The following RICTOR variants were observed in gnomAD, a reference collection of about 807,000 sequenced individuals.
RICTOR encodes the protein rapamycin-insensitive companion of mTOR.
Under a neutral mutation model 214.9 loss-of-function variants are expected in RICTOR, and 49 were observed. That is an observed-to-expected ratio of 0.23 (90% CI 0.18 to 0.29). The LOEUF (loss-of-function observed/expected upper bound fraction) is 0.29, where lower values mean the gene tolerates loss of function less well. RICTOR is among the 10% of genes least tolerant of loss of function. The pLI is 1.00. For missense variants in RICTOR, 1,625 were observed against 2,047.0 expected, an observed-to-expected ratio of 0.79 and a Z score of 3.98; for synonymous variants, 717 against 711.3, an observed-to-expected ratio of 1.01 and a Z score of -0.13.
chr5:38,939,020 A>T lies in RICTOR; in HGVS notation c.*3284T>A. On this transcript the variant is annotated 3_prime_UTR_variant, in exon 38 of 38. Coordinates refer to ENST00000357387, the MANE Select transcript of RICTOR (RefSeq NM_152756.5). ...ACTTCCAAAGAACATTTCCCAAAGT[A>T]GTTTACAAAGTTCATCTCACACAAA... 4.3e-6 allele frequency: 1 copy of T among 233,142 alleles called. No homozygotes were observed. 14.4% of individuals were successfully genotyped at this position (233,142 alleles called of 1,614,324 possible).
rs189571887 is a variant in RICTOR at position 39,020,460 on chromosome 5, A to G, written c.195+579T>C. On this transcript the variant is annotated intron_variant, in intron 3 of 37. Transcript: ENST00000357387. ...TGACATTGAGGCAAGTTCCTCTACC[A>G]ACAAAAAAAACCCCACAATTTGCTG... 2.6e-4 allele frequency among the ~76,000 whole-genome samples: 40 copies of G among 151,800 alleles called. No homozygotes were observed. In the East Asian group the frequency reaches 7.5e-3, roughly 29 times the overall value.
In RICTOR at chr5:38,955,672, C is replaced by T. The variant is rs780644422; in HGVS notation, c.2532G>A (p.Glu844=). The change falls in exon 26 of 38, where the codon GAG becomes GAA. Residue 844 remains glutamate, a synonymous_variant. Transcript: ENST00000357387. The part of the protein sequence containing the change: ...EYNSKYVDLI[E]EQLNEALTTY... ...TAGTAAGTGCTTCATTGAGTTGTTC[C>T]TCAATCAAGTCAACATATTTGGAGT... 5.6e-6 allele frequency: 9 copies of T among 1,605,100 alleles called. No homozygotes were observed. Among genetic ancestry groups the T allele is most frequent in the African/African-American group, 2.7e-5 (2 of 74,700 alleles).
At chr5:39,067,642 C>A (rs1023194428) in intron 2 of RICTOR, among the ~76,000 whole-genome samples, 3 of 152,144 alleles carry the variant, frequency 2.0e-5, no homozygotes, top group African/African-American at 7.2e-5. Flanking sequence ...ACACACAGAA[C>A]AATCAGACTA....
At chr5:38,953,179 T>C in intron 28 of RICTOR, 88 bp from the exon 29 acceptor site, 6 of 870,472 alleles carry the variant, frequency 6.9e-6, no homozygotes, top group South Asian at 6.6e-5. Flanking sequence ...TTTAACCTCA[T>C]CTCTGAGAGA....
chr5:38,986,933 G>C (rs560551352), intron 7 of RICTOR, among the ~76,000 whole-genome samples: 2 of 152,126 alleles, frequency 1.3e-5, no homozygotes, highest in Non-Finnish European at 2.9e-5. Flanking sequence ...TAGCATGAAG[G>C]GGTGTTGAAT....
At chr5:38,965,806 G>C (rs970947247) in intron 15 of RICTOR, among the ~76,000 whole-genome samples, 4 of 152,072 alleles carry the variant, frequency 2.6e-5, no homozygotes, top group Non-Finnish European at 5.9e-5. Flanking sequence ...CAAGGGTGGG[G>C]AGGAGGGGAA....
At chr5:39,046,973 T>A (rs1757541073) in intron 2 of RICTOR, among the ~76,000 whole-genome samples, 2 of 152,358 alleles carry the variant, frequency 1.3e-5, no homozygotes, top group East Asian at 1.9e-4. Flanking sequence ...AAAATTTATC[T>A]ATGATTAAAA....
chr5:38,962,775 A>C lies in RICTOR; in HGVS notation c.1566+101T>G, dbSNP rs1044165310. On this transcript the variant is annotated intron_variant, in intron 17 of 37. Coordinates refer to ENST00000357387, the MANE Select transcript of RICTOR (RefSeq NM_152756.5). ...AGAAGCCATCTGAAAATTCATATGC[A>C]TGAAGAGAAGTGTAAACTCAAATAC... 3 of 1,013,532 alleles carry C rather than the reference A, an allele frequency of 3.0e-6. No homozygotes were observed. In the African/African-American group the frequency reaches 4.8e-5, roughly 16 times the overall value. The allele number at this position is 1,013,532 out of a possible 1,614,324, so 62.8% of individuals were successfully genotyped here.
chr5:39,050,031 T>A (rs1479531811), intron 2 of RICTOR, among the ~76,000 whole-genome samples: 1 of 152,096 alleles, frequency 6.6e-6, no homozygotes, highest in Admixed American at 6.5e-5. Flanking sequence ...AGAATCAGGA[T>A]GCCCAATGAA....
chr5:39,034,715 T>C (rs1450667939), intron 2 of RICTOR, among the ~76,000 whole-genome samples: 1 of 152,136 alleles, frequency 6.6e-6, no homozygotes, highest in East Asian at 1.9e-4. Flanking sequence ...GCCTCACTCA[T>C]TGCTAGCACA....
At chr5:39,052,845 G>C (rs2150190161) in intron 2 of RICTOR, among the ~76,000 whole-genome samples, 1 of 152,166 alleles carries the variant, frequency 6.6e-6, no homozygotes, top group East Asian at 1.9e-4. Flanking sequence ...TGCTTACTTG[G>C]CTTCTATTTT....
At chr5:39,046,373 A>C (rs1048155499) in intron 2 of RICTOR, among the ~76,000 whole-genome samples, 5 of 151,006 alleles carry the variant, frequency 3.3e-5, no homozygotes, top group African/African-American at 1.2e-4. Context: ...CTAAAAACAA[A>C]ATTAAAAAAA....
intron 4 of RICTOR, among the ~76,000 whole-genome samples, 164 bp from the exon 5 acceptor site, chr5:39,002,830 C>G (rs940600572): frequency 6.6e-6 from 1 of 152,092 alleles, no homozygotes; most frequent in Non-Finnish European, 1.5e-5. Context: ...CCAAGCCACA[C>G]AATTTCACTT....
intron 2 of RICTOR, among the ~76,000 whole-genome samples, chr5:39,060,356 C>T (rs1333305564): frequency 6.6e-6 from 1 of 151,864 alleles, no homozygotes; most frequent in Non-Finnish European, 1.5e-5. Context: ...CATATATTAG[C>T]GTAAGTCCAC....
intron 3 of RICTOR, among the ~76,000 whole-genome samples, chr5:39,017,387 C>G (rs559067488): frequency 4.9e-4 from 74 of 152,166 alleles, no homozygotes; most frequent in African/African-American, 1.4e-3. Flanking sequence ...AACCTTGGAA[C>G]AATGTTGCGG....
chr5:39,043,852 T>C (rs1389721676), intron 2 of RICTOR, among the ~76,000 whole-genome samples: 1 of 152,130 alleles, frequency 6.6e-6, no homozygotes, highest in Non-Finnish European at 1.5e-5. Flanking sequence ...CTCAGCCCCC[T>C]TGCCATGTGA....
intron 4 of RICTOR, among the ~76,000 whole-genome samples, chr5:39,002,988 C>T (rs1269194): frequency 0.045 from 6,834 of 152,078 alleles, 284 homozygotes; most frequent in African/African-American, 0.1. Flanking sequence ...CAGCCTTTTT[C>T]AAGCTGTACC....
chr5:38,962,638 C>T (rs911964083), intron 17 of RICTOR, 52 bp from the exon 18 acceptor site: 2 of 1,035,698 alleles, frequency 1.9e-6, no homozygotes, highest in African/African-American at 1.6e-5. Flanking sequence ...GTCCTCATAT[C>T]AGAAAACTAA....
chr5:39,058,115 C>A (rs908353805), intron 2 of RICTOR, among the ~76,000 whole-genome samples: 1 of 151,714 alleles, frequency 6.6e-6, no homozygotes, highest in Admixed American at 6.6e-5. Context: ...GAGACAAGCA[C>A]CAAAAGAAAG....
Sources: allele counts gnomAD v4.1 joint callset (sites outside exome capture counted in the v4.1 genomes callset), GRCh38; gene constraint gnomAD v4.1.1; transcripts MANE v1.5; gene names NCBI Gene and HGNC (gene_info 2026-07-23, HGNC 2026-07-21).